The following PSD3 variants were observed in gnomAD, a reference collection of about 807,000 sequenced individuals.
PSD3 encodes PH and SEC7 domain-containing protein 3.
Under a neutral mutation model 105.5 loss-of-function variants are expected in PSD3, and 49 were observed. The observed-to-expected ratio is 0.46, with a 90% CI of 0.37 to 0.59. PSD3 has a LOEUF of 0.59. PSD3 is among the 20% of genes least tolerant of loss of function. The pLI, the probability that PSD3 is intolerant of heterozygous loss-of-function variation, is 0.00. For synonymous variants in PSD3, 557 were observed against 457.8 expected, an observed-to-expected ratio of 1.22 and a Z score of -2.77; for missense variants, 1,561 against 1,263.8, an observed-to-expected ratio of 1.24 and a Z score of -3.57.
exon 1 of PSD3, chr8:19,084,441 C>A: frequency 2.2e-6 from 1 of 456,072 alleles, no homozygotes; most frequent in South Asian, 1.5e-5. Flanking sequence ...ATCCCTGCAT[C>A]GGGGGTCCAT....
chr8:18,712,458 A>G (rs1802313745), intron 9 of PSD3, among the ~76,000 whole-genome samples: 1 of 152,204 alleles, frequency 6.6e-6, no homozygotes, highest in Non-Finnish European at 1.5e-5. Context: ...ACCCCACAGA[A>G]ATATAAACAA....
chr8:18,594,264 A>AC (rs1803883935), intron 12 of PSD3, among the ~76,000 whole-genome samples: 1 of 22,670 alleles, frequency 4.4e-5, no homozygotes, highest in Admixed American at 8.8e-4. Flanking sequence ...TATAATATAT[A>AC]TTATTATATA....
intron 8 of PSD3, among the ~76,000 whole-genome samples, chr8:18,772,854 G>A (rs529594617): frequency 6.6e-6 from 1 of 152,128 alleles, no homozygotes; most frequent in Non-Finnish European, 1.5e-5. Flanking sequence ...ATCTATTAAA[G>A]TATTTTTCCC....
At chr8:18,984,745 C>A (rs1825416364) in intron 1 of PSD3, among the ~76,000 whole-genome samples, 1 of 152,004 alleles carries the variant, frequency 6.6e-6, no homozygotes, top group Admixed American at 6.6e-5. Flanking sequence ...CACTATTATC[C>A]CATAAGACAG....
chr8:19,060,180 A>C (rs1462815659), intron 1 of PSD3, among the ~76,000 whole-genome samples: 1 of 152,186 alleles, frequency 6.6e-6, no homozygotes, highest in Non-Finnish European at 1.5e-5. Flanking sequence ...ATACATTTTT[A>C]AGTTTTGGAA....
At chr8:18,795,722 G>A (rs1191973250) in intron 8 of PSD3, among the ~76,000 whole-genome samples, 1 of 152,188 alleles carries the variant, frequency 6.6e-6, no homozygotes, top group East Asian at 1.9e-4. Context: ...TGTGACTGAA[G>A]TACAAGCAAG....
chr8:18,739,295 T>A (rs573868824), intron 9 of PSD3, among the ~76,000 whole-genome samples: 1 of 151,792 alleles, frequency 6.6e-6, no homozygotes, highest in African/African-American at 2.4e-5. Flanking sequence ...AGAAAAAGAG[T>A]AAGCTATTTA....
intron 9 of PSD3, among the ~76,000 whole-genome samples, chr8:18,728,913 G>A (rs1299653372): frequency 6.6e-6 from 1 of 152,192 alleles, no homozygotes; most frequent in South Asian, 2.1e-4. Context: ...TGTCAGTTCT[G>A]CTTCTCAGTT....
At chr8:18,654,444 C>A (rs888741380) in intron 10 of PSD3, among the ~76,000 whole-genome samples, 1 of 152,104 alleles carries the variant, frequency 6.6e-6, no homozygotes, top group Non-Finnish European at 1.5e-5. Context: ...ATAAAATCCA[C>A]GAAGTTCTAA....
At chr8:18,962,993 C>A (rs1264217814) in intron 1 of PSD3, among the ~76,000 whole-genome samples, 1 of 152,176 alleles carries the variant, frequency 6.6e-6, no homozygotes, top group Non-Finnish European at 1.5e-5. Flanking sequence ...ATACCTGAGA[C>A]TGGGGATAAA....
Position 18,530,057 on chromosome 8 carries a change from C to T in PSD3, c.*5686G>A, listed in dbSNP as rs1208235626. 1 of 152,584 alleles carries T rather than the reference C, an allele frequency of 6.6e-6. No homozygotes were observed. Among genetic ancestry groups the T allele is most frequent in the African/African-American group, 2.4e-5 (1 of 41,446 alleles). The allele number at this position is 152,584 out of a possible 1,614,324, so 9.5% of individuals were successfully genotyped here. A position where few individuals can be genotyped will look rare whatever the true frequency, so the allele number is the denominator to read the frequency against. ...TGGAGCTGAAGTTAGTCTCCCACCCCACAATTCAAACTCTCTGAATCAGCT... is the reference window on the plus strand; with the variant it reads ...TGGAGCTGAAGTTAGTCTCCCACCCTACAATTCAAACTCTCTGAATCAGCT... On this transcript the variant is annotated 3_prime_UTR_variant, in exon 16 of 16. Coordinates refer to ENST00000327040, the MANE Select transcript of PSD3 (RefSeq NM_015310.4).
At chr8:18,932,015 A>G (rs1821782872) in intron 2 of PSD3, among the ~76,000 whole-genome samples, 1 of 152,212 alleles carries the variant, frequency 6.6e-6, no homozygotes, top group Non-Finnish European at 1.5e-5. Context: ...CAGTTTCCAC[A>G]TCTATAAAAG....
chr8:18,782,280 G>C (rs1808709969), intron 8 of PSD3, among the ~76,000 whole-genome samples: 1 of 151,872 alleles, frequency 6.6e-6, no homozygotes, highest in South Asian at 2.1e-4. Flanking sequence ...TATGCATCTG[G>C]TGTAACATTT....
intron 9 of PSD3, among the ~76,000 whole-genome samples, chr8:18,659,804 T>C (rs909753043): frequency 6.6e-6 from 1 of 152,280 alleles, no homozygotes; most frequent in Middle Eastern, 3.4e-3. Context: ...GCATTTGTCA[T>C]GAGAATGGCT....
chr8:18,578,943 G>A (rs1182467700), intron 12 of PSD3, among the ~76,000 whole-genome samples: 2 of 151,996 alleles, frequency 1.3e-5, no homozygotes, highest in African/African-American at 4.8e-5. Flanking sequence ...TATTTAATTA[G>A]GGCTAAACTG....
chr8:18,719,766 A>T (rs1046488138), intron 9 of PSD3, among the ~76,000 whole-genome samples: 1 of 152,156 alleles, frequency 6.6e-6, no homozygotes, highest in African/African-American at 2.4e-5. Context: ...AAGTTACCTA[A>T]ATCTATTCTT....
At chr8:18,611,004 A>C (rs1431508261) in intron 11 of PSD3, among the ~76,000 whole-genome samples, 2 of 152,196 alleles carry the variant, frequency 1.3e-5, no homozygotes, top group African/African-American at 4.8e-5. Flanking sequence ...ATCTGGGTAC[A>C]TAAGATTATT....
rs368204079 is a variant in PSD3, at chr8:18,702,722, C to A, written c.2173-47037G>T. ...CCGGCTCCCGGGTTCACACCATTTT[C>A]CTGCCTCAGCCTCCCGAGTAGCTGG... On this transcript the variant is annotated intron_variant, in intron 9 of 15. Coordinates refer to ENST00000327040, the MANE Select transcript of PSD3 (RefSeq NM_015310.4). Among the ~76,000 whole-genome samples, 23 of 152,048 alleles carry A rather than the reference C, an allele frequency of 1.5e-4. 1 individual carries two copies. In the South Asian group the frequency reaches 1.9e-3, roughly 12 times the overall value.
intron 8 of PSD3, among the ~76,000 whole-genome samples, chr8:18,778,610 T>C (rs574803646): frequency 6.6e-6 from 1 of 151,978 alleles, no homozygotes; most frequent in African/African-American, 2.4e-5. Context: ...GCGTTTACTA[T>C]GATGTGTTCT....
Sources: allele counts gnomAD v4.1 joint callset (sites outside exome capture counted in the v4.1 genomes callset), GRCh38; gene constraint gnomAD v4.1.1; transcripts MANE v1.5; gene names NCBI Gene and HGNC (gene_info 2026-07-23, HGNC 2026-07-21).